The following RBM28 variants were observed in gnomAD, a reference collection of about 807,000 sequenced individuals.
RBM28 encodes RNA binding motif protein 28.
A neutral mutation model predicts 98.3 loss-of-function variants in RBM28; 78 were observed. That is an observed-to-expected ratio of 0.79 (90% confidence interval 0.66 to 0.96). The LOEUF (loss-of-function observed/expected upper bound fraction) is 0.96, where lower values mean the gene tolerates loss of function less well. RBM28 is among the 40% of genes least tolerant of loss of function. The pLI is 0.00. For synonymous variants in RBM28, 306 were observed against 330.9 expected, an observed-to-expected ratio of 0.92 and a Z score of 0.82; for missense variants, 838 against 913.0, an observed-to-expected ratio of 0.92 and a Z score of 1.06.
At chr7:128,316,898 T>C (rs1163484032) in intron 16 of RBM28, among the ~76,000 whole-genome samples, 1 of 152,254 alleles carries the variant, frequency 6.6e-6, no homozygotes, top group Admixed American at 6.5e-5. Context: ...CCTCTTGGTA[T>C]ATACCACAAA....
Position 128,297,900 on chromosome 7 carries a change from C to T in RBM28, c.*12897G>A, listed in dbSNP as rs1795727753. 1 of 146,266 alleles carries T rather than the reference C, an allele frequency of 6.8e-6. No homozygotes were observed. Among genetic ancestry groups the T allele is most frequent in the Admixed American group, 7.0e-5 (1 of 14,230 alleles). 9.1% of individuals were successfully genotyped at this position (146,266 alleles called of 1,614,324 possible). ...ACTATCGCAAGAACAAAAAACCAAA[C>T]ACCGCATATTCTCACTCATAGGTGG... On this transcript the variant is annotated 3_prime_UTR_variant, in exon 19 of 19. Coordinates refer to ENST00000223073, the MANE Select transcript of RBM28 (RefSeq NM_018077.3).
Position 128,324,701 on chromosome 7 carries a change from C to A in RBM28, c.1204-7G>T. 6.2e-7 allele frequency: 1 copy of A among 1,614,162 alleles called. No individual in the cohort carries two copies. ...CCAGTTTAAGCCCACCAGCCTGTAA[C>A]AGATCACAACCCTTTCTTAAAACAC... On this transcript the variant is annotated splice_polypyrimidine_tract_variant and splice_region_variant and intron_variant, in intron 11 of 18. Coordinates refer to ENST00000223073, the MANE Select transcript of RBM28 (RefSeq NM_018077.3).
rs537297874 is a variant in RBM28, at chr7:128,310,831, G to A, written c.2246C>T (p.Pro749Leu). 3.1e-6 allele frequency: 5 copies of A among 1,614,030 alleles called. No homozygotes were observed. The Admixed American group carries it at 6.7e-5, about 22-fold the overall frequency. Residue 749 changes from proline (P) to leucine (L), a missense_variant, in exon 19 of 19, where the codon CCT becomes CTT. Coordinates refer to ENST00000223073, the MANE Select transcript of RBM28 (RefSeq NM_018077.3). ...AAACCATTTGCTCCTCTTTGCAAGA[G>A]GTGCTCCTTTAGAAGGTCCCAATAA... ...QKLLGPSKGA[P>L]LAKRSKWFDS
chr7:128,335,742 C>T, intron 7 of RBM28, 63 bp from the exon 8 acceptor site: 1 of 1,613,714 alleles, frequency 6.2e-7, no homozygotes. Flanking sequence ...AATTTCATTA[C>T]ACATGTCAAT....
At chr7:128,335,293 T>G (rs554293460) in intron 8 of RBM28, among the ~76,000 whole-genome samples, 4 of 152,038 alleles carry the variant, frequency 2.6e-5, no homozygotes, top group Non-Finnish European at 5.9e-5. Context: ...GGTTTTCAAT[T>G]CCCTAAGAAT....
intron 17 of RBM28, among the ~76,000 whole-genome samples, 177 bp from the exon 18 acceptor site, chr7:128,313,451 G>A (rs965070800): frequency 6.6e-6 from 1 of 152,128 alleles, no homozygotes; most frequent in African/African-American, 2.4e-5. Context: ...CTTGATGCCA[G>A]GAGTTTGAGA....
At chr7:128,332,953 G>T (rs1796512517) in intron 9 of RBM28, among the ~76,000 whole-genome samples, 1 of 152,206 alleles carries the variant, frequency 6.6e-6, no homozygotes, top group African/African-American at 2.4e-5. Context: ...GAAATCATTT[G>T]AGACAAGCAG....
chr7:128,312,883 C>T (rs139181880), intron 18 of RBM28, among the ~76,000 whole-genome samples: 108 of 152,206 alleles, frequency 7.1e-4, no homozygotes, highest in African/African-American at 2.2e-3. Context: ...TCATATGAGA[C>T]GCATTTACAT....
chr7:128,315,625 T>C (rs114272006), intron 16 of RBM28, among the ~76,000 whole-genome samples: 2,942 of 152,200 alleles, frequency 0.019, 86 homozygotes, highest in African/African-American at 0.067. Context: ...CCAGAGTAGA[T>C]TGAGAGAGAT....
chr7:128,324,754 C>A lies in RBM28; in HGVS notation c.1204-60G>T, dbSNP rs926467474. ...AATGGCCGGGCACAGTGGCTCACAC[C>A]TGTAAACCGAGCACTTTGGGAGGCT... On this transcript the variant is annotated intron_variant, in intron 11 of 18. Transcript: ENST00000223073. 1.9e-6 allele frequency: 3 copies of A among 1,610,520 alleles called. No homozygotes were observed. In the African/African-American group the frequency reaches 4.0e-5, roughly 22 times the overall value.
Position 128,327,503 on chromosome 7 carries a change from A to AT in RBM28, c.1130-1613dup, listed in dbSNP as rs553281745. 2.5e-3 allele frequency among the ~76,000 whole-genome samples: 370 copies of AT among 146,004 alleles called. 1 individual carries two copies. Among genetic ancestry groups the AT allele is most frequent in the South Asian group, 5.0e-3 (23 of 4,608 alleles). On this transcript the variant is annotated intron_variant, in intron 10 of 18. Coordinates refer to ENST00000223073, the MANE Select transcript of RBM28 (RefSeq NM_018077.3). ...TATTTCTGCTATTGACAAAAAAACA[A>AT]TTTTTTTTTTTTTTGAGACGGAGTT...
chr7:128,325,767 A>G, intron 11 of RBM28, 51 bp downstream of exon 11: 1 of 1,369,194 alleles, frequency 7.3e-7, no homozygotes. Flanking sequence ...TGTTGCCCCT[A>G]AGAGCCAAAC....
chr7:128,335,492 C>G (rs1465540028), intron 8 of RBM28, 51 bp downstream of exon 8: 8 of 1,609,818 alleles, frequency 5.0e-6, no homozygotes, highest in Non-Finnish European at 6.8e-6. Context: ...ATTTCCGTAA[C>G]TTCAGTAACT....
chr7:128,336,075 T>C, intron 6 of RBM28, 33 bp from the exon 7 acceptor site: 2 of 1,561,534 alleles, frequency 1.3e-6, no homozygotes, highest in Non-Finnish European at 8.7e-7. Flanking sequence ...GAGGAATTCA[T>C]TTAATATCCA....
At chr7:128,334,827 G>C (rs1796562357) in intron 8 of RBM28, among the ~76,000 whole-genome samples, 1 of 152,182 alleles carries the variant, frequency 6.6e-6, no homozygotes, top group African/African-American at 2.4e-5. Flanking sequence ...AGCTAAATGA[G>C]GTCTTAAGGT....
chr7:128,336,600 G>A (rs1462926839), intron 6 of RBM28, among the ~76,000 whole-genome samples: 1 of 152,218 alleles, frequency 6.6e-6, no homozygotes, highest in South Asian at 2.1e-4. Context: ...AAAGAGCCTA[G>A]GTTTTGGGAC....
intron 10 of RBM28, among the ~76,000 whole-genome samples, chr7:128,330,394 T>TTC (rs1796453008): frequency 6.9e-6 from 1 of 145,380 alleles, no homozygotes; most frequent in Non-Finnish European, 1.5e-5. Flanking sequence ...TTTTTTTTTT[T>TTC]CGTGGAAACA....
intron 13 of RBM28, among the ~76,000 whole-genome samples, chr7:128,322,704 T>TA (rs1454486603): frequency 3.9e-5 from 6 of 152,302 alleles, no homozygotes; most frequent in Admixed American, 1.3e-4. Context: ...AGTGCCCTTA[T>TA]AAAATTGAGG....
At chr7:128,320,272 GT>G (rs1189823724) in intron 14 of RBM28, among the ~76,000 whole-genome samples, 2 of 101,172 alleles carry the variant, frequency 2.0e-5, no homozygotes, top group African/African-American at 3.9e-5. Context: ...ATGGTGGTGT[GT>G]AACTATAGGC....
Sources: gnomAD v4.1 joint callset for allele counts (sites outside exome capture counted in the v4.1 genomes callset) on GRCh38, gnomAD v4.1.1 for gene constraint, MANE v1.5 for transcripts, NCBI Gene and HGNC (gene_info 2026-07-23, HGNC 2026-07-21) for gene names.